MAF: variants seen among roughly 807,000 people sequenced by gnomAD.
MAF encodes transcription factor Maf.
In MAF, 10 loss-of-function variants were observed where a neutral mutation model predicts 22.0. That is an observed-to-expected ratio of 0.45 (90% CI 0.28 to 0.77). MAF has a LOEUF of 0.77. MAF is among the 30% of genes least tolerant of loss of function. The pLI is 0.12. For missense variants in MAF, 544 were observed against 548.4 expected (o/e 0.99, Z 0.08); for synonymous variants, 337 against 255.8 (o/e 1.32, Z -3.03).
chr16:79,580,801 C>T, the MAF span, among the ~76,000 whole-genome samples: 3 of 129,092 alleles, frequency 2.3e-5, no homozygotes, highest in East Asian at 4.7e-4. Flanking sequence ...GAAACTGTTC[C>T]AGGCTTTAAA....
the MAF span, among the ~76,000 whole-genome samples, chr16:79,339,539 G>A: frequency 3.9e-5 from 6 of 152,164 alleles, no homozygotes; most frequent in African/African-American, 1.4e-4. Flanking sequence ...CAGACTCTTA[G>A]GGGAGAGAGA....
chr16:79,213,429 A>T, the MAF span, among the ~76,000 whole-genome samples: 1 of 152,232 alleles, frequency 6.6e-6, no homozygotes, highest in Non-Finnish European at 1.5e-5. Context: ...GTCACTTTTC[A>T]GACATTATTG....
At chr16:79,405,779 A>C in the MAF span, among the ~76,000 whole-genome samples, 2 of 151,730 alleles carry the variant, frequency 1.3e-5, no homozygotes, top group African/African-American at 2.4e-5. Flanking sequence ...TTAGTCCTCA[A>C]AACAGTGCAA....
chr16:79,522,296 G>C, the MAF span, among the ~76,000 whole-genome samples: 1 of 152,148 alleles, frequency 6.6e-6, no homozygotes, highest in African/African-American at 2.4e-5. Context: ...CTTTTTACAT[G>C]AGTCTTCCTG....
chr16:79,556,012 T>C, the MAF span, among the ~76,000 whole-genome samples: 1 of 150,684 alleles, frequency 6.6e-6, no homozygotes, highest in Non-Finnish European at 1.5e-5. Flanking sequence ...GTTTGTTTTG[T>C]TAGTTTAGTT....
chr16:79,257,866 A>G, the MAF span, among the ~76,000 whole-genome samples: 1 of 152,314 alleles, frequency 6.6e-6, no homozygotes, highest in East Asian at 1.9e-4. Flanking sequence ...TATTTTTGAA[A>G]GGCATAGAGA....
chr16:79,260,153 G>A, the MAF span, among the ~76,000 whole-genome samples: 41 of 152,216 alleles, frequency 2.7e-4, no homozygotes, highest in African/African-American at 9.1e-4. Context: ...TATTTTGTTT[G>A]GTGTTTGTTT....
chr16:79,392,170 G>T, the MAF span, among the ~76,000 whole-genome samples: 3 of 148,796 alleles, frequency 2.0e-5, no homozygotes, highest in Admixed American at 6.8e-5. Flanking sequence ...GAAGGAGAGA[G>T]GGAAGAAGGA....
chr16:79,244,583 G>A, the MAF span, among the ~76,000 whole-genome samples: 91 of 152,162 alleles, frequency 6.0e-4, no homozygotes, highest in African/African-American at 2.1e-3. Context: ...CAAACAAATG[G>A]AAAAATATTC....
At chr16:79,575,657 A>G in the MAF span, among the ~76,000 whole-genome samples, 34 of 152,360 alleles carry the variant, frequency 2.2e-4, no homozygotes, top group African/African-American at 7.5e-4. Context: ...GAGGTAGAAC[A>G]AAGCAGATGT....
At chr16:79,211,940 A>G in the MAF span, 8 of 1,537,400 alleles carry the variant, frequency 5.2e-6, no homozygotes, top group African/African-American at 1.4e-5. Context: ...CAGAGTGAAA[A>G]ATCTTAAGTA....
the MAF span, among the ~76,000 whole-genome samples, chr16:79,551,963 C>T: frequency 3.9e-5 from 6 of 152,124 alleles, no homozygotes; most frequent in East Asian, 1.9e-4. Flanking sequence ...CCTCCTGCTT[C>T]GACACAGCTG....
the MAF span, among the ~76,000 whole-genome samples, chr16:79,363,329 T>A: frequency 6.6e-6 from 1 of 152,166 alleles, no homozygotes; most frequent in Non-Finnish European, 1.5e-5. Context: ...GAATATATAG[T>A]GAGTCACAAA....
the MAF span, among the ~76,000 whole-genome samples, chr16:79,404,613 C>T: frequency 1.3e-4 from 20 of 150,068 alleles, no homozygotes; most frequent in Non-Finnish European, 2.7e-4. Context: ...AAATGACAAG[C>T]GCTTCAATCT....
chr16:79,419,830 T>C, the MAF span, among the ~76,000 whole-genome samples: 2 of 152,116 alleles, frequency 1.3e-5, no homozygotes, highest in Non-Finnish European at 1.5e-5. Context: ...ATCACCATGA[T>C]CTGTTCATCC....
the MAF span, among the ~76,000 whole-genome samples, chr16:79,233,801 G>A: frequency 6.6e-6 from 1 of 152,012 alleles, no homozygotes; most frequent in Non-Finnish European, 1.5e-5. Context: ...AGACCAGCCT[G>A]ACCAACATGG....
chr16:79,446,918 GAA>G, the MAF span, among the ~76,000 whole-genome samples: 3 of 150,790 alleles, frequency 2.0e-5, no homozygotes, highest in African/African-American at 7.3e-5. Context: ...ACTGTCTCAA[GAA>G]AAATTAAAAA....
the MAF span, among the ~76,000 whole-genome samples, chr16:79,433,107 C>T: frequency 6.6e-6 from 1 of 152,078 alleles, no homozygotes. Context: ...GCTACATAAT[C>T]CCACATATCA....
At chr16:79,323,145 T>A in the MAF span, among the ~76,000 whole-genome samples, 11 of 31,984 alleles carry the variant, frequency 3.4e-4, no homozygotes, top group Admixed American at 5.2e-4. Context: ...CGAGACTCCA[T>A]CTAAAAAAAA....
Sources: allele counts gnomAD v4.1 joint callset (sites outside exome capture counted in the v4.1 genomes callset), GRCh38; gene constraint gnomAD v4.1.1; transcripts MANE v1.5; gene names NCBI Gene and HGNC (gene_info 2026-07-23, HGNC 2026-07-21).